MATCAP2: variants seen among roughly 807,000 people sequenced by gnomAD.
MATCAP2 encodes the protein putative tyrosine carboxypeptidase MATCAP2.
chr7:36,357,338 G>C, the MATCAP2 span: 1 of 1,614,162 alleles, frequency 6.2e-7, no homozygotes, highest in Admixed American at 1.7e-5. Flanking sequence ...TTTGCTACGA[G>C]AAGTGTTAGG....
chr7:36,330,851 G>T, the MATCAP2 span: 2 of 547,050 alleles, frequency 3.7e-6, no homozygotes, highest in South Asian at 3.8e-5. Flanking sequence ...CTCTTGATAC[G>T]ACATAAAGAA....
the MATCAP2 span, among the ~76,000 whole-genome samples, chr7:36,374,282 GT>G: frequency 6.7e-6 from 1 of 149,204 alleles, no homozygotes. Context: ...GTCTCACTAT[GT>G]TGCCCAGGCT....
the MATCAP2 span, among the ~76,000 whole-genome samples, chr7:36,343,551 A>G: frequency 2.0e-4 from 2 of 10,138 alleles, no homozygotes; most frequent in Non-Finnish European, 3.3e-4. Flanking sequence ...AGAGGAGGGG[A>G]GGGAAGGGAA....
the MATCAP2 span, among the ~76,000 whole-genome samples, chr7:36,336,933 A>G: frequency 6.6e-6 from 1 of 151,336 alleles, no homozygotes; most frequent in Admixed American, 6.6e-5. Context: ...TGTCTTTACT[A>G]AAAATATAAA....
the MATCAP2 span, among the ~76,000 whole-genome samples, chr7:36,330,461 TTAAAAGAG>T: frequency 0.03 from 4,490 of 152,086 alleles, 91 homozygotes; most frequent in African/African-American, 0.036. Flanking sequence ...CTATCACAGA[TTAAAAGAG>T]ACGAAGGATT....
the MATCAP2 span, among the ~76,000 whole-genome samples, chr7:36,367,556 C>T: frequency 1.3e-5 from 2 of 152,166 alleles, no homozygotes; most frequent in Non-Finnish European, 2.9e-5. Flanking sequence ...CTTCCCCTTA[C>T]GAGGTGCGGG....
At chr7:36,324,500 T>TATTA in the MATCAP2 span, 902 of 152,320 alleles carry the variant, frequency 5.9e-3, 9 homozygotes, top group African/African-American at 0.021. Flanking sequence ...GACAAATAAC[T>TATTA]ATTATAATTA....
At chr7:36,327,424 C>T in the MATCAP2 span, among the ~76,000 whole-genome samples, 4 of 152,052 alleles carry the variant, frequency 2.6e-5, no homozygotes, top group Admixed American at 6.6e-5. Flanking sequence ...CGTGAGCCAC[C>T]GTGCCCAGCC....
At chr7:36,325,028 C>CTGTT in the MATCAP2 span, 1 of 152,204 alleles carries the variant, frequency 6.6e-6, no homozygotes, top group East Asian at 1.9e-4. Context: ...ATTGCCATTT[C>CTGTT]TGTTTATACT....
the MATCAP2 span, among the ~76,000 whole-genome samples, chr7:36,354,654 A>G: frequency 6.6e-6 from 1 of 152,222 alleles, no homozygotes; most frequent in Non-Finnish European, 1.5e-5. Context: ...TCGGTAGCTG[A>G]AGAAGAATTT....
chr7:36,358,450 A>G, the MATCAP2 span, among the ~76,000 whole-genome samples: 1 of 152,228 alleles, frequency 6.6e-6, no homozygotes, highest in Non-Finnish European at 1.5e-5. Context: ...GATTTTCTTC[A>G]TAATTCTAAG....
the MATCAP2 span, chr7:36,326,161 T>C: frequency 6.6e-6 from 1 of 152,138 alleles, no homozygotes; most frequent in African/African-American, 2.4e-5. Flanking sequence ...TCTAATTTAG[T>C]TCCTATAAGC....
the MATCAP2 span, among the ~76,000 whole-genome samples, chr7:36,333,395 T>C: frequency 6.6e-6 from 1 of 152,338 alleles, no homozygotes; most frequent in African/African-American, 2.4e-5. Flanking sequence ...CTAATGGGTA[T>C]GGGTTTCTTT....
chr7:36,351,783 C>A, the MATCAP2 span, among the ~76,000 whole-genome samples: 2 of 151,194 alleles, frequency 1.3e-5, no homozygotes, highest in East Asian at 3.9e-4. Flanking sequence ...CCTGTTTGTA[C>A]AAAAAATACA....
chr7:36,371,360 G>A, the MATCAP2 span, among the ~76,000 whole-genome samples: 63,481 of 151,884 alleles, frequency 0.42, 14,104 homozygotes, highest in South Asian at 0.63. Flanking sequence ...CAATCTGCCT[G>A]CCTCCGCCTC....
the MATCAP2 span, chr7:36,327,069 T>G: frequency 1.6e-6 from 1 of 636,112 alleles, no homozygotes; most frequent in South Asian, 2.1e-5. Context: ...GTGACTTACA[T>G]TTTCTTCACT....
chr7:36,389,932 G>T, the MATCAP2 span: 13 of 1,610,744 alleles, frequency 8.1e-6, no homozygotes, highest in East Asian at 4.5e-5. Context: ...CAGACTCCTG[G>T]TTTTTTCCAG....
At chr7:36,330,049 TTTTTATTTTTA>T in the MATCAP2 span, among the ~76,000 whole-genome samples, 22 of 37,772 alleles carry the variant, frequency 5.8e-4, no homozygotes, top group Non-Finnish European at 6.3e-5. Context: ...GATCTTTTTT[TTTTTATTTTTA>T]TTTTATTTTA....
chr7:36,338,956 C>T, the MATCAP2 span, among the ~76,000 whole-genome samples: 1 of 152,162 alleles, frequency 6.6e-6, no homozygotes, highest in Non-Finnish European at 1.5e-5. Context: ...TTGAGTTGTC[C>T]TATCTTTTTA....
Sources: gnomAD v4.1 joint callset for allele counts (sites outside exome capture counted in the v4.1 genomes callset) on GRCh38, gnomAD v4.1.1 for gene constraint, MANE v1.5 for transcripts, NCBI Gene and HGNC (gene_info 2026-07-23, HGNC 2026-07-21) for gene names.